TFAM: variants seen among roughly 807,000 people sequenced by gnomAD.
TFAM encodes the protein transcription factor A, mitochondrial.
TFAM carries 13 observed loss-of-function variants against 30.6 expected under a neutral mutation model. The observed-to-expected ratio is 0.42, with a 90% CI of 0.28 to 0.67. The LOEUF (loss-of-function observed/expected upper bound fraction) is 0.67, where lower values mean the gene tolerates loss of function less well. Among genes scored for constraint, TFAM ranks in the 30% least tolerant of loss-of-function variants. The pLI, the probability that TFAM is intolerant of heterozygous loss-of-function variation, is 0.21. For missense variants in TFAM, 231 were observed against 293.7 expected (o/e 0.79, Z 1.56); for synonymous variants, 106 against 94.8 (o/e 1.12, Z -0.69).
At position 58,390,749 on chromosome 10, in the gene TFAM, A is replaced by G; in HGVS notation, c.442-16A>G. 1 of 1,607,274 alleles carries G rather than the reference A, an allele frequency of 6.2e-7. No homozygotes were observed. Among genetic ancestry groups the G allele is most frequent in the Non-Finnish European group, 8.5e-7 (1 of 1,176,042 alleles). ...AGGTTAACACTATTTTTGACCCTCCAATTTTTTTAATTCAGGAGTTAACAC... is the reference window on the plus strand; with the variant it reads ...AGGTTAACACTATTTTTGACCCTCCGATTTTTTTAATTCAGGAGTTAACAC... On this transcript the variant is annotated splice_polypyrimidine_tract_variant and intron_variant, in intron 4 of 6. Transcript: ENST00000487519.
At chr10:58,386,809 G>A (rs918862454) in intron 2 of TFAM, 3 of 554,626 alleles carry the variant, frequency 5.4e-6, no homozygotes, top group Non-Finnish European at 7.0e-6. Context: ...CATCATAGGA[G>A]TTCAGAGCCA....
chr10:58,390,845 G>C lies in TFAM; in HGVS notation c.522G>C (p.Lys174Asn). Residue 174 changes from lysine to asparagine, a missense_variant, in exon 5 of 7, where the codon AAG (lysine) becomes AAC (asparagine). By Grantham distance (94) the Lys-to-Asn change is moderately conservative (BLOSUM62 0). Coordinates refer to ENST00000487519, the MANE Select transcript of TFAM (RefSeq NM_003201.3). Reference protein sequence around the residue: ...VYVAERFQEAKGDSPQEKLKT... With the variant: ...VYVAERFQEANGDSPQEKLKT... Reference sequence around the variant, plus strand: ...TAGCTGAAAGATTCCAAGAAGCTAAGGGTGATTCACCGCAGGTAAAGCTGA... The same window carrying C: ...TAGCTGAAAGATTCCAAGAAGCTAACGGTGATTCACCGCAGGTAAAGCTGA... The C allele has an allele frequency of 6.2e-7, 1 of 1,612,988 alleles. No individual in the cohort carries two copies. The highest frequency in any genetic ancestry group is 8.5e-7 in the Non-Finnish European group (1 of 1,179,632).
intron 5 of TFAM, among the ~76,000 whole-genome samples, chr10:58,391,811 A>G (rs1455812179): frequency 2.0e-5 from 3 of 151,782 alleles, no homozygotes; most frequent in Non-Finnish European, 4.4e-5. Context: ...CACCAACCTA[A>G]TAGTATTATG....
intron 4 of TFAM, 116 bp downstream of exon 4, chr10:58,388,935 A>G (rs1840541986): frequency 1.1e-6 from 1 of 937,860 alleles, no homozygotes; most frequent in South Asian, 1.6e-5. Context: ...GTCATCAAGT[A>G]TTCTTCAGTT....
At chr10:58,390,259 C>G (rs1215446101) in intron 4 of TFAM, among the ~76,000 whole-genome samples, 1 of 152,166 alleles carries the variant, frequency 6.6e-6, no homozygotes, top group African/African-American at 2.4e-5. Context: ...TACTTGTATT[C>G]TTTTCCACAG....
chr10:58,386,174 CAGTT>C, intron 1 of TFAM, 42 bp from the exon 2 acceptor site: 1 of 1,193,170 alleles, frequency 8.4e-7, no homozygotes, highest in Non-Finnish European at 1.3e-6. Context: ...TGAATATTGA[CAGTT>C]AAACATCTGA....
intron 6 of TFAM, chr10:58,394,657 G>GTGATACCC (rs1195445706): frequency 3.8e-5 from 25 of 650,080 alleles, no homozygotes; most frequent in Non-Finnish European, 6.4e-5. Context: ...TTCAGTGGCA[G>GTGATACCC]TGATACCCTG....
intron 4 of TFAM, among the ~76,000 whole-genome samples, chr10:58,389,763 C>T (rs978210148): frequency 7.9e-5 from 12 of 152,200 alleles, no homozygotes; most frequent in African/African-American, 2.7e-4. Context: ...TCCCTTCCTC[C>T]TTAATGCACC....
intron 4 of TFAM, 48 bp downstream of exon 4, chr10:58,388,867 T>C: frequency 6.7e-7 from 1 of 1,496,884 alleles, no homozygotes; most frequent in Non-Finnish European, 9.2e-7. Flanking sequence ...AATTGAGATT[T>C]ATATAACTAT....
intron 6 of TFAM, 152 bp downstream of exon 6, chr10:58,394,566 C>T: frequency 2.4e-6 from 2 of 825,768 alleles, no homozygotes; most frequent in Non-Finnish European, 4.1e-6. Context: ...ACCAGTTTGG[C>T]ATTTTTCTCT....
intron 4 of TFAM, among the ~76,000 whole-genome samples, chr10:58,389,244 A>G (rs936873254): frequency 1.3e-5 from 2 of 152,252 alleles, no homozygotes; most frequent in African/African-American, 4.8e-5. Flanking sequence ...TCATTAACAC[A>G]TCGGAAAAAT....
At chr10:58,391,801 C>T (rs1232275252) in intron 5 of TFAM, among the ~76,000 whole-genome samples, 1 of 151,554 alleles carries the variant, frequency 6.6e-6, no homozygotes, top group Non-Finnish European at 1.5e-5. Flanking sequence ...GTTACTTTTG[C>T]ACCAACCTAA....
At position 58,395,204 on chromosome 10, in the gene TFAM, C is replaced by T. The variant is rs1840660963; in HGVS notation, c.*130C>T. ...CTTTTATATTTAGTATCTTTTTATT[C>T]AGCTCATGGACTTCTGCCAGCATAA... On this transcript the variant is annotated 3_prime_UTR_variant, in exon 7 of 7. Coordinates refer to ENST00000487519, the MANE Select transcript of TFAM (RefSeq NM_003201.3). The T allele has an allele frequency of 1.0e-6, 1 of 956,162 alleles. No homozygotes were observed. Among genetic ancestry groups the T allele is most frequent in the Non-Finnish European group, 1.6e-6 (1 of 618,254 alleles). The allele number at this position is 956,162 out of a possible 1,614,324, so 59.2% of individuals were successfully genotyped here. A position where few individuals can be genotyped will look rare whatever the true frequency, so the allele number is the denominator to read the frequency against.
intron 5 of TFAM, among the ~76,000 whole-genome samples, chr10:58,393,030 A>T (rs1207991490): frequency 6.6e-6 from 1 of 151,996 alleles, no homozygotes; most frequent in Non-Finnish European, 1.5e-5. Flanking sequence ...CCCAGGCTGG[A>T]GTGCAGTGGC....
chr10:58,391,360 A>AT (rs1319258073), intron 5 of TFAM, among the ~76,000 whole-genome samples: 2 of 151,990 alleles, frequency 1.3e-5, no homozygotes, highest in South Asian at 2.1e-4. Flanking sequence ...AGTCTTTCCT[A>AT]TTTTTTTGCT....
intron 3 of TFAM, 142 bp from the exon 4 acceptor site, chr10:58,388,528 T>C (rs1243537938): frequency 2.2e-6 from 2 of 928,768 alleles, no homozygotes; most frequent in East Asian, 4.8e-5. Context: ...TTTTAATCCA[T>C]ATACATCTCA....
At position 58,393,298 on chromosome 10, in the gene TFAM, T is replaced by C. The variant is rs969147954; in HGVS notation, c.538-1060T>C. Among the ~76,000 whole-genome samples, 4 of 152,286 alleles carry C rather than the reference T, an allele frequency of 2.6e-5. No homozygotes were observed. The East Asian group carries it at 7.7e-4, about 29-fold the overall frequency. On this transcript the variant is annotated intron_variant, in intron 5 of 6. Coordinates refer to ENST00000487519, the MANE Select transcript of TFAM (RefSeq NM_003201.3). The stretch of plus-strand genomic sequence containing the variant: ...CTGGCCCTAATCTCTTTTTAAACAG[T>C]CTTTCAGCCAATCTTGTGTTTAACC...
At chr10:58,386,902 T>TA (rs900916182) in intron 2 of TFAM, among the ~76,000 whole-genome samples, 44 of 146,744 alleles carry the variant, frequency 3.0e-4, no homozygotes, top group Middle Eastern at 3.5e-3. Flanking sequence ...CTTGGGTTCC[T>TA]AAAAAAAAAA....
intron 2 of TFAM, among the ~76,000 whole-genome samples, chr10:58,387,022 G>T (rs541078066): frequency 3.3e-5 from 5 of 152,142 alleles, no homozygotes; most frequent in Non-Finnish European, 7.4e-5. Context: ...CCAGCACTTC[G>T]GGAGGTCGAG....
Sources: allele counts gnomAD v4.1 joint callset (sites outside exome capture counted in the v4.1 genomes callset), GRCh38; gene constraint gnomAD v4.1.1; transcripts MANE v1.5; gene names NCBI Gene and HGNC (gene_info 2026-07-23, HGNC 2026-07-21).